EDRF1: variants seen among roughly 807,000 people sequenced by gnomAD.
The protein encoded by EDRF1 is erythroid differentiation regulatory factor 1.
In EDRF1, 69 loss-of-function variants were observed where a neutral mutation model predicts 148.7. The ratio of observed to expected loss-of-function variants is 0.46; its 90% CI spans 0.38 to 0.57. EDRF1 has a LOEUF of 0.57. Ranked by LOEUF, EDRF1 falls within the 20% of genes least tolerant of loss-of-function variation. EDRF1 has a pLI of 0.00. For missense variants in EDRF1, 1,118 were observed against 1,478.7 expected, an observed-to-expected ratio of 0.76 and a Z score of 4.00; for synonymous variants, 515 against 532.8, an observed-to-expected ratio of 0.97 and a Z score of 0.46.
Position 125,749,409 on chromosome 10 carries a change from T to C in EDRF1, c.3124-3T>C. The C allele has an allele frequency of 6.2e-7, 1 of 1,614,252 alleles. No homozygotes were observed. On this transcript the variant is annotated splice_region_variant and splice_polypyrimidine_tract_variant and intron_variant, in intron 21 of 24. Coordinates refer to ENST00000356792, the MANE Select transcript of EDRF1 (RefSeq NM_001202438.2). Reference sequence around the variant, plus strand: ...TTTGTTGCTTGTTTTGGTTTGGTTCTAGGTTGGTGATGAACACCTTAGGAA... The same window carrying C: ...TTTGTTGCTTGTTTTGGTTTGGTTCCAGGTTGGTGATGAACACCTTAGGAA...
chr10:125,744,851 ACTGGAGAGTTTTT>A (rs1310450138), intron 18 of EDRF1: 1 of 152,240 alleles, frequency 6.6e-6, no homozygotes, highest in Non-Finnish European at 1.5e-5. Context: ...GATGCCTGAA[ACTGGAGAGTTTTT>A]CAGTGCTTTT....
chr10:125,745,424 T>C, intron 18 of EDRF1: 1 of 447,944 alleles, frequency 2.2e-6, no homozygotes. Flanking sequence ...GATCCCACCC[T>C]TACAATCTCA....
At chr10:125,752,761 A>G in intron 22 of EDRF1, 38 bp from the exon 23 acceptor site, 1 of 1,360,960 alleles carries the variant, frequency 7.3e-7, no homozygotes, top group South Asian at 1.2e-5. Flanking sequence ...TTCTAGATTT[A>G]TATTAAAGAA....
chr10:125,722,291 T>C (rs1393138054), intron 2 of EDRF1, among the ~76,000 whole-genome samples: 2 of 152,240 alleles, frequency 1.3e-5, no homozygotes, highest in African/African-American at 2.4e-5. Context: ...AGTATTTATA[T>C]GCTTATCTCA....
rs754358048 is a variant in EDRF1, at chr10:125,735,882, A to G, written c.1736A>G (p.Tyr579Cys). The G allele has an allele frequency of 6.2e-7, 1 of 1,610,146 alleles. No homozygotes were observed. The highest frequency in any genetic ancestry group is 8.5e-7 in the Non-Finnish European group (1 of 1,177,166). Reference protein sequence around the residue: ...SVGELSVPEKYKSIHQIRPSC... With the variant: ...SVGELSVPEKCKSIHQIRPSC... ...GGAGAACTATCAGTACCAGAAAAAT[A>G]CAAATCTATTCATCAAATCAGAGTA... is the stretch of plus-strand genomic sequence containing the variant. The change falls in exon 13 of 25, where the codon TAC (tyrosine) becomes TGC (cysteine). Residue 579 changes from tyrosine to cysteine, a missense_variant. Around this residue, in one of 3 missense-constraint regions of EDRF1, gnomAD observed 954 missense variants for 1,241.4 expected, o/e 0.77. Coordinates refer to ENST00000356792, the MANE Select transcript of EDRF1 (RefSeq NM_001202438.2).
At chr10:125,738,530 C>T (rs1848849953) in intron 15 of EDRF1, 85 bp downstream of exon 15, 2 of 1,522,814 alleles carry the variant, frequency 1.3e-6, no homozygotes, top group Non-Finnish European at 1.8e-6. Context: ...TCAATTAAGG[C>T]ATTAATTGAA....
Position 125,734,062 on chromosome 10 carries a change from CT to C in EDRF1, c.1386-3del, listed in dbSNP as rs35894376. ...ATGGGCAGTAAAGTTGATATAAACTCTTTTTTTAGGGTTGCTTGCAACATGA... is the reference window on the plus strand; with the variant it reads ...ATGGGCAGTAAAGTTGATATAAACTCTTTTTTAGGGTTGCTTGCAACATGA... On this transcript the variant is annotated splice_polypyrimidine_tract_variant and intron_variant, in intron 11 of 24. Coordinates refer to ENST00000356792, the MANE Select transcript of EDRF1 (RefSeq NM_001202438.2). 1.9e-6 allele frequency: 3 copies of C among 1,606,930 alleles called. No homozygotes were observed. The highest frequency in any genetic ancestry group is 1.7e-6 in the Non-Finnish European group (2 of 1,173,658).
rs1849120793 is a variant in EDRF1 at position 125,743,107 on chromosome 10, T to C, written c.2421T>C (p.Ser807=). The C allele has an allele frequency of 6.2e-7, 1 of 1,613,968 alleles. No homozygotes were observed. Among genetic ancestry groups the C allele is most frequent in the East Asian group, 2.2e-5 (1 of 44,808 alleles). Residue 807 remains serine, a synonymous_variant, in exon 18 of 25, where the codon TCT becomes TCC. Transcript: ENST00000356792. ...DLSTDLESQL[S]VSCKCYEAAN... ...CTACAGACTTAGAAAGTCAACTCTC[T>C]GTTAGTTGTAAATGTTATGAGGCTG...
chr10:125,743,476 A>T (rs1057220057), intron 18 of EDRF1, among the ~76,000 whole-genome samples, 200 bp downstream of exon 18: 7 of 152,308 alleles, frequency 4.6e-5, no homozygotes, highest in Admixed American at 3.3e-4. Context: ...AATGTTCTTC[A>T]TTCTTACTTT....
intron 7 of EDRF1, 82 bp from the exon 8 acceptor site, chr10:125,729,276 C>T (rs1848395062): frequency 6.4e-7 from 1 of 1,560,110 alleles, no homozygotes; most frequent in Non-Finnish European, 8.8e-7. Context: ...TTTGTCTCTT[C>T]CTTTTTCTAG....
chr10:125,752,873 T>G lies in EDRF1; in HGVS notation c.3352T>G (p.Phe1118Val). ...LDIMVRTEHA[F>V]QLIQKELIEE... The stretch of plus-strand genomic sequence containing the variant: ...TATAATGGTGAGAACTGAGCACGCA[T>G]TCCAGCTTATCCAGAAGGAGCTTAT... Residue 1118 changes from phenylalanine to valine, a missense_variant, in exon 23 of 25, where the codon TTC (phenylalanine) becomes GTC (valine). By Grantham distance (50) the Phe-to-Val change is conservative. Transcript: ENST00000356792. 1 of 1,614,058 alleles carries G rather than the reference T, an allele frequency of 6.2e-7. No individual in the cohort carries two copies. The highest frequency in any genetic ancestry group is 8.5e-7 in the Non-Finnish European group (1 of 1,179,990).
chr10:125,720,547 C>T (rs902893797), intron 1 of EDRF1, among the ~76,000 whole-genome samples: 1 of 152,170 alleles, frequency 6.6e-6, no homozygotes, highest in Non-Finnish European at 1.5e-5. Flanking sequence ...CGGTGGCTCA[C>T]GCCTGTAATC....
chr10:125,728,978 C>G, intron 6 of EDRF1, 25 bp from the exon 7 acceptor site: 1 of 1,538,708 alleles, frequency 6.5e-7, no homozygotes. Flanking sequence ...AGCAGAATCA[C>G]TCCTTATCCT....
At position 125,752,930 on chromosome 10, in the gene EDRF1, G is replaced by A; in HGVS notation, c.3393+16G>A. On this transcript the variant is annotated intron_variant, in intron 23 of 24. Transcript: ENST00000356792. ...ATTTGGCCAGGTACATGGAGAAAAT[G>A]ACTGTCTTTGGTTTTTGTGTGTCTT... is the stretch of plus-strand genomic sequence containing the variant. 6.3e-7 allele frequency: 1 copy of A among 1,578,388 alleles called. No individual in the cohort carries two copies. The highest frequency in any genetic ancestry group is 8.7e-7 in the Non-Finnish European group (1 of 1,148,156).
intron 4 of EDRF1, among the ~76,000 whole-genome samples, chr10:125,724,205 CTG>C (rs1220012076): frequency 2.6e-5 from 4 of 152,082 alleles, no homozygotes; most frequent in East Asian, 1.9e-4. Flanking sequence ...GTGAAAAAAA[CTG>C]TGAAATTTAA....
chr10:125,721,695 C>T (rs1848014160), intron 2 of EDRF1, among the ~76,000 whole-genome samples: 1 of 152,200 alleles, frequency 6.6e-6, no homozygotes, highest in African/African-American at 2.4e-5. Context: ...TCATTTTAGC[C>T]AATTTGCATA....
chr10:125,724,476 T>C (rs964695443), intron 4 of EDRF1, among the ~76,000 whole-genome samples: 3 of 152,312 alleles, frequency 2.0e-5, no homozygotes, highest in Admixed American at 2.0e-4. Flanking sequence ...ATTTGTAGCC[T>C]GGGAGCAATA....
At chr10:125,720,797 C>T (rs1589812473) in intron 1 of EDRF1, among the ~76,000 whole-genome samples, 1 of 125,382 alleles carries the variant, frequency 8.0e-6, no homozygotes, top group African/African-American at 3.1e-5. Flanking sequence ...GGCGACAAAG[C>T]AAGACTGCGT....
rs199963542 is a variant in EDRF1, at chr10:125,747,610, G to A, written c.2889G>A (p.Val963=). Residue 963 remains valine, a synonymous_variant, in exon 20 of 25, where the codon GTG becomes GTA. Coordinates refer to ENST00000356792, the MANE Select transcript of EDRF1 (RefSeq NM_001202438.2). ...RDIHPAVWDS[V]NWELSTTYFT... is the part of the protein sequence containing the mutation. Reference sequence around the variant, plus strand: ...TACACCCAGCTGTTTGGGATTCAGTGAACTGGGAATTGTCCACTACTTACT... The same window carrying A: ...TACACCCAGCTGTTTGGGATTCAGTAAACTGGGAATTGTCCACTACTTACT... 8.1e-6 allele frequency: 13 copies of A among 1,614,150 alleles called. No individual in the cohort carries two copies. In the Admixed American group the frequency reaches 2.2e-4, roughly 27 times the overall value.
Sources: allele counts gnomAD v4.1 joint callset (sites outside exome capture counted in the v4.1 genomes callset), GRCh38; gene constraint gnomAD v4.1.1; regional missense constraint gnomAD v4.1.1; transcripts MANE v1.5; gene names NCBI Gene and HGNC (gene_info 2026-07-23, HGNC 2026-07-21).